Variants in KDM1B observed in about 807,000 individuals in gnomAD.
The protein encoded by KDM1B is lysine-specific histone demethylase 2.
A neutral mutation model predicts 107.4 loss-of-function variants in KDM1B; 63 were observed. The observed-to-expected ratio is 0.59, with a 90% confidence interval of 0.48 to 0.72. The LOEUF (loss-of-function observed/expected upper bound fraction) is 0.72. Ranked by LOEUF, KDM1B falls within the 30% of genes least tolerant of loss-of-function variation. The pLI is 0.00. For missense variants in KDM1B, 749 were observed against 1,020.8 expected, an observed-to-expected ratio of 0.73 and a Z score of 3.63; for synonymous variants, 363 against 363.9, an observed-to-expected ratio of 1.00 and a Z score of 0.03.
Position 18,187,974 on chromosome 6 carries a change from G to A in KDM1B, c.756G>A (p.Glu252=). Residue 252 remains glutamate (E), a synonymous_variant, in exon 9 of 22, where the codon GAG becomes GAA. Transcript: ENST00000650836. ...ATGNASPGKL[E]HSKAALSVHV... is the part of the protein sequence containing the mutation. ...GCAATGCCAGCCCTGGGAAGCTGGAGCACTCCAAGGCTGCCCTCTCCGTGC... is the reference window on the plus strand; with the variant it reads ...GCAATGCCAGCCCTGGGAAGCTGGAACACTCCAAGGCTGCCCTCTCCGTGC... 6.4e-7 allele frequency: 1 copy of A among 1,550,484 alleles called. No individual in the cohort carries two copies.
chr6:18,197,604 C>G lies in KDM1B; in HGVS notation c.1164C>G (p.Ile388Met). ...KDYHNKSVIIIGAGPAGLAAA... is the reference protein window; with the variant it reads ...KDYHNKSVIIMGAGPAGLAAA... ...TTTTTAAGAAATCAGTCATCATTATCGGGGCTGGTCCAGCAGGATTAGCAG... is the reference window on the plus strand; with the variant it reads ...TTTTTAAGAAATCAGTCATCATTATGGGGGCTGGTCCAGCAGGATTAGCAG... The change falls in exon 12 of 22, where the codon ATC (isoleucine) becomes ATG (methionine). Residue 388 changes from isoleucine (I) to methionine (M), a missense_variant. Coordinates refer to ENST00000650836, the MANE Select transcript of KDM1B (RefSeq NM_001364614.2). This position sits in a 1 kb window ranked among gnomAD's most constrained non-coding sequence, Gnocchi z 4.5. The G allele has an allele frequency of 1.2e-6, 2 of 1,613,634 alleles. No homozygotes were observed. The highest frequency in any genetic ancestry group is 1.6e-4 in the Middle Eastern group (1 of 6,062).
At position 18,191,832 on chromosome 6, in the gene KDM1B, G is replaced by A. The variant is rs528192677; in HGVS notation, c.969+451G>A. 2.0e-4 allele frequency among the ~76,000 whole-genome samples: 30 copies of A among 152,080 alleles called. No homozygotes were observed. The highest frequency in any genetic ancestry group is 6.2e-4 in the South Asian group (3 of 4,820). On this transcript the variant is annotated intron_variant, in intron 10 of 21. Transcript: ENST00000650836. The surrounding 1 kb of genome is among the most constrained non-coding windows in gnomAD (Gnocchi z 5.1). ...GAGGACAGGAATTTTTATTCACCTC[G>A]GCATCCTAAATCAACCAAGACCAGT...
At chr6:18,208,603 G>GTATATATATATGTATATATATATATA in intron 17 of KDM1B, among the ~76,000 whole-genome samples, 1 of 34,896 alleles carries the variant, frequency 2.9e-5, no homozygotes, top group Non-Finnish European at 4.8e-5. Flanking sequence ...GTATGTGTAT[G>GTATATATATATGTATATATATATATA]TATATATATA....
chr6:18,218,779 T>C (rs1360442507), intron 21 of KDM1B, among the ~76,000 whole-genome samples: 4 of 152,194 alleles, frequency 2.6e-5, no homozygotes, highest in African/African-American at 7.2e-5. Flanking sequence ...GTCCTTGAAA[T>C]GTCCCCTTCC....
chr6:18,208,868 A>G (rs1307511393), intron 17 of KDM1B, among the ~76,000 whole-genome samples: 1 of 147,584 alleles, frequency 6.8e-6, no homozygotes, highest in Non-Finnish European at 1.5e-5. Flanking sequence ...GTTAGCCAGG[A>G]TGGTCTCGAT....
intron 10 of KDM1B, among the ~76,000 whole-genome samples, chr6:18,194,312 C>T (rs949898526): frequency 5.9e-5 from 9 of 152,294 alleles, no homozygotes; most frequent in East Asian, 1.9e-4. Context: ...CGTGAGCCAC[C>T]GTGCTGGTTC....
chr6:18,206,060 G>A (rs777618757), intron 15 of KDM1B, among the ~76,000 whole-genome samples: 2 of 151,872 alleles, frequency 1.3e-5, no homozygotes, highest in African/African-American at 4.8e-5. Context: ...AGCTGGTTTC[G>A]ATAAACAGGA....
Position 18,213,816 on chromosome 6 carries a change from G to T in KDM1B, c.2109+35G>T, listed in dbSNP as rs200661038. The T allele has an allele frequency of 5.6e-6, 9 of 1,611,446 alleles. No individual in the cohort carries two copies. The highest frequency in any genetic ancestry group is 2.2e-5 in the East Asian group (1 of 44,864). On this transcript the variant is annotated intron_variant, in intron 19 of 21. Transcript: ENST00000650836. This position sits in a 1 kb window ranked among gnomAD's most constrained non-coding sequence, Gnocchi z 5.9. ...TTCGTGAACTGTGGTTTGAATTTCC[G>T]TCTTAAAGTTTAGAATTTGATGTGA...
chr6:18,205,197 A>G lies in KDM1B; in HGVS notation c.1532-340A>G, dbSNP rs780753828. Among the ~76,000 whole-genome samples the G allele has an allele frequency of 6.6e-6, 1 of 152,166 alleles. No individual in the cohort carries two copies. The highest frequency in any genetic ancestry group is 1.5e-5 in the Non-Finnish European group (1 of 68,020). On this transcript the variant is annotated intron_variant, in intron 14 of 21. Transcript: ENST00000650836. This position sits in a 1 kb window ranked among gnomAD's most constrained non-coding sequence, Gnocchi z 5.7. ...TGTGCATGTACATCTATGTGTGGGG[A>G]CAGTTTTTCTGTATCTTGAGCAAAA...
chr6:18,177,253 A>G (rs1305979778), intron 7 of KDM1B, among the ~76,000 whole-genome samples: 3 of 152,160 alleles, frequency 2.0e-5, no homozygotes, highest in Non-Finnish European at 4.4e-5. Context: ...TTATGTGCGT[A>G]AAAGTGTTAG....
Position 18,203,866 on chromosome 6 carries a change from AAAAAT to A in KDM1B, c.1532-1670_1532-1666del, listed in dbSNP as rs1390335553. Among the ~76,000 whole-genome samples, 606 of 152,066 alleles carry A rather than the reference AAAAAT, an allele frequency of 4.0e-3. 4 individuals are homozygous for A. The highest frequency in any genetic ancestry group is 5.8e-3 in the Non-Finnish European group (395 of 67,972). On this transcript the variant is annotated intron_variant, in intron 14 of 21. Coordinates refer to ENST00000650836, the MANE Select transcript of KDM1B (RefSeq NM_001364614.2). The surrounding 1 kb of genome is among the most constrained non-coding windows in gnomAD (Gnocchi z 5.5). ...AACTCCGTCTCCAAAAAAAAAAAAA[AAAAAT>A]CACATTGAGGCCTCTCTCAGTCTGT...
At chr6:18,160,067 T>G in intron 3 of KDM1B, 85 bp downstream of exon 3, 2 of 867,380 alleles carry the variant, frequency 2.3e-6, no homozygotes, top group Non-Finnish European at 3.5e-6. Context: ...TTGAAAAGAT[T>G]ACTCCAGCCC....
chr6:18,207,898 C>T (rs1221168909), intron 16 of KDM1B, among the ~76,000 whole-genome samples: 1 of 152,188 alleles, frequency 6.6e-6, no homozygotes, highest in East Asian at 1.9e-4. Flanking sequence ...TTTCCCTTCA[C>T]ACCATATTAT....
At chr6:18,208,407 C>T (rs1788538362) in intron 17 of KDM1B, among the ~76,000 whole-genome samples, 1 of 151,408 alleles carries the variant, frequency 6.6e-6, no homozygotes, top group African/African-American at 2.4e-5. Context: ...TGTATAGACT[C>T]ATGGCAGATG....
At chr6:18,195,504 C>T (rs13437604) in intron 10 of KDM1B, among the ~76,000 whole-genome samples, 2,820 of 152,050 alleles carry the variant, frequency 0.019, 70 homozygotes, top group African/African-American at 0.064. Flanking sequence ...GAGGTCGAGG[C>T]GGGTGGATTA....
chr6:18,208,603 G>GTGTGTGTATATATATATATATA lies in KDM1B; in HGVS notation c.1866+398_1866+399insGTGTGTATATATATATATATAT, dbSNP rs1359166965. Among the ~76,000 whole-genome samples, 20 of 34,914 alleles carry GTGTGTGTATATATATATATATA rather than the reference G, an allele frequency of 5.7e-4. 1 individual carries two copies. The highest frequency in any genetic ancestry group is 7.0e-4 in the African/African-American group (6 of 8,564). The allele number at this position is 34,914 out of a possible 152,430, so 22.9% of individuals were successfully genotyped here. On this transcript the variant is annotated intron_variant, in intron 17 of 21. Coordinates refer to ENST00000650836, the MANE Select transcript of KDM1B (RefSeq NM_001364614.2). ...TAGGGTTAAATAGAAGTATGTGTAT[G>GTGTGTGTATATATATATATATA]TATATATATATATATATATATATAT... is the stretch of plus-strand genomic sequence containing the variant.
intron 15 of KDM1B, among the ~76,000 whole-genome samples, chr6:18,206,647 ACTC>A (rs1344963572): frequency 6.7e-6 from 1 of 150,374 alleles, no homozygotes; most frequent in African/African-American, 2.4e-5. Context: ...CTGGTCTTGA[ACTC>A]CTGGTCTCAA....
At chr6:18,187,655 A>T (rs866662985) in intron 8 of KDM1B, 137 bp from the exon 9 acceptor site, 1 of 564,518 alleles carries the variant, frequency 1.8e-6, no homozygotes. Flanking sequence ...CTGGAATAGA[A>T]TTGTTAAGTC....
At chr6:18,161,589 T>A in intron 4 of KDM1B, 135 bp downstream of exon 4, 1 of 934,470 alleles carries the variant, frequency 1.1e-6, no homozygotes, top group Non-Finnish European at 1.6e-6. Flanking sequence ...ATAGAGACAT[T>A]GCCCAGACAT....
Sources: gnomAD v4.1 joint callset for allele counts (sites outside exome capture counted in the v4.1 genomes callset) on GRCh38, gnomAD v4.1.1 for gene constraint, Gnocchi (gnomAD v3.1) non-coding constraint, MANE v1.5 for transcripts, NCBI Gene and HGNC (gene_info 2026-07-23, HGNC 2026-07-21) for gene names.